Variants in STAG1 observed in about 807,000 individuals in gnomAD.
The protein encoded by STAG1 is cohesin subunit SA-1.
STAG1 carries 26 observed loss-of-function variants against 170.9 expected under a neutral mutation model. That is an observed-to-expected ratio of 0.15 (90% CI 0.11 to 0.21). STAG1 has a LOEUF of 0.21. Ranked by LOEUF, STAG1 falls within the 10% of genes least tolerant of loss-of-function variation. STAG1 has a pLI of 1.00. For missense variants in STAG1, 964 were observed against 1,509.5 expected (o/e 0.64, Z 5.99); for synonymous variants, 514 against 497.7 (o/e 1.03, Z -0.44).
intron 5 of STAG1, among the ~76,000 whole-genome samples, chr3:136,545,017 G>C (rs1936090443): frequency 1.3e-5 from 2 of 151,966 alleles, no homozygotes; most frequent in Non-Finnish European, 2.9e-5. Context: ...CATATGACAG[G>C]ATCATTTTTA....
intron 22 of STAG1, among the ~76,000 whole-genome samples, chr3:136,391,870 G>C (rs754830426): frequency 2.0e-5 from 3 of 152,184 alleles, no homozygotes; most frequent in South Asian, 4.1e-4. Context: ...CCAACTCTGG[G>C]AATCAGGGGA....
chr3:136,505,410 C>CA (rs2107872239), intron 7 of STAG1, among the ~76,000 whole-genome samples: 1 of 152,228 alleles, frequency 6.6e-6, no homozygotes, highest in South Asian at 2.1e-4. Context: ...TCATTATGAG[C>CA]AAAAAATTGA....
At chr3:136,540,803 C>A (rs1935850679) in intron 6 of STAG1, among the ~76,000 whole-genome samples, 1 of 86,466 alleles carries the variant, frequency 1.2e-5, no homozygotes, top group East Asian at 3.5e-4. Context: ...GTCTGGGCGA[C>A]AGAGTGAAAC....
intron 1 of STAG1, among the ~76,000 whole-genome samples, chr3:136,737,873 G>A (rs988839992): frequency 2.6e-5 from 4 of 151,814 alleles, no homozygotes; most frequent in Admixed American, 2.6e-4. Flanking sequence ...TTCAAGACCA[G>A]CCTGACTAAC....
intron 1 of STAG1, among the ~76,000 whole-genome samples, chr3:136,659,376 A>G (rs1941498926): frequency 6.6e-6 from 1 of 152,026 alleles, no homozygotes; most frequent in Admixed American, 6.6e-5. Context: ...TTCCTTCAAA[A>G]CCCTCTTTCA....
At chr3:136,464,607 T>A (rs1288697449) in intron 13 of STAG1, among the ~76,000 whole-genome samples, 1 of 152,204 alleles carries the variant, frequency 6.6e-6, no homozygotes, top group Non-Finnish European at 1.5e-5. Flanking sequence ...CGTTAGCTTT[T>A]ATAAATTTCA....
At chr3:136,454,023 T>A (rs1239148478) in intron 13 of STAG1, among the ~76,000 whole-genome samples, 1 of 152,142 alleles carries the variant, frequency 6.6e-6, no homozygotes, top group Non-Finnish European at 1.5e-5. Flanking sequence ...GAGAAGGTTC[T>A]GTTTAATGGG....
intron 6 of STAG1, among the ~76,000 whole-genome samples, chr3:136,529,960 A>G (rs370654220): frequency 6.6e-6 from 1 of 152,174 alleles, no homozygotes; most frequent in South Asian, 2.1e-4. Flanking sequence ...TAGATAAAAG[A>G]CAGGATCCAA....
intron 6 of STAG1, among the ~76,000 whole-genome samples, chr3:136,533,780 C>T (rs1333801334): frequency 6.6e-6 from 1 of 152,126 alleles, no homozygotes; most frequent in Non-Finnish European, 1.5e-5. Context: ...GACAAACATC[C>T]AAACCATATC....
chr3:136,565,011 A>AAGGAAGGCAGGC (rs1207671431), intron 5 of STAG1, among the ~76,000 whole-genome samples: 11 of 45,452 alleles, frequency 2.4e-4, no homozygotes, highest in East Asian at 7.9e-4. Flanking sequence ...GGAAGGAAGG[A>AAGGAAGGCAGGC]AGGCAGGCAG....
intron 4 of STAG1, among the ~76,000 whole-genome samples, chr3:136,570,642 C>T (rs1029975866): frequency 6.6e-6 from 1 of 152,208 alleles, no homozygotes; most frequent in Non-Finnish European, 1.5e-5. Flanking sequence ...AATCACACTT[C>T]CACCAGCAAT....
intron 1 of STAG1, among the ~76,000 whole-genome samples, chr3:136,657,571 A>T (rs185363981): frequency 5.9e-5 from 9 of 152,284 alleles, no homozygotes; most frequent in Admixed American, 3.9e-4. Flanking sequence ...CCTGTAATCC[A>T]AACATTTTGG....
At chr3:136,371,512 C>A (rs567912634) in intron 23 of STAG1, among the ~76,000 whole-genome samples, 2 of 152,200 alleles carry the variant, frequency 1.3e-5, no homozygotes, top group South Asian at 4.1e-4. Flanking sequence ...GTCTTTAATC[C>A]ATCTTGAATT....
chr3:136,391,655 G>A (rs944441946), intron 22 of STAG1, among the ~76,000 whole-genome samples: 6 of 152,200 alleles, frequency 3.9e-5, no homozygotes, highest in South Asian at 2.1e-4. Flanking sequence ...GATTACAGGC[G>A]TAAGCCACCA....
chr3:136,665,078 G>A (rs1406878285), intron 1 of STAG1, among the ~76,000 whole-genome samples: 1 of 152,106 alleles, frequency 6.6e-6, no homozygotes, highest in Admixed American at 6.5e-5. Context: ...TTTTGAACCA[G>A]AATGTCTATT....
chr3:136,710,288 A>C (rs1943347443), intron 1 of STAG1, among the ~76,000 whole-genome samples: 1 of 152,192 alleles, frequency 6.6e-6, no homozygotes, highest in African/African-American at 2.4e-5. Context: ...TCACACAGTA[A>C]TACAGTCTGA....
intron 6 of STAG1, among the ~76,000 whole-genome samples, chr3:136,521,799 C>T (rs1259896296): frequency 6.6e-6 from 1 of 152,104 alleles, no homozygotes; most frequent in Non-Finnish European, 1.5e-5. Flanking sequence ...ATCATGATAC[C>T]TGTGTCATAC....
At chr3:136,722,731 A>T (rs1276180101) in intron 1 of STAG1, among the ~76,000 whole-genome samples, 8 of 130,612 alleles carry the variant, frequency 6.1e-5, no homozygotes, top group Admixed American at 5.3e-4. Context: ...ACGGTCTCCC[A>T]CTGATGCCGA....
chr3:136,363,704 T>G (rs192961306), intron 25 of STAG1, among the ~76,000 whole-genome samples: 1 of 152,330 alleles, frequency 6.6e-6, no homozygotes, highest in East Asian at 1.9e-4. Context: ...GAACTAATAC[T>G]AGTAAAACCA....
Sources: gnomAD v4.1 joint callset for allele counts (sites outside exome capture counted in the v4.1 genomes callset) on GRCh38, gnomAD v4.1.1 for gene constraint, MANE v1.5 for transcripts, NCBI Gene and HGNC (gene_info 2026-07-23, HGNC 2026-07-21) for gene names.